Variants in TNRC6C observed in about 807,000 individuals in gnomAD.
TNRC6C encodes trinucleotide repeat containing adaptor 6C, also known as trinucleotide repeat-containing gene 6C protein.
Under a neutral mutation model 153.7 loss-of-function variants are expected in TNRC6C, and 20 were observed. The ratio of observed to expected loss-of-function variants is 0.13; its 90% CI spans 0.09 to 0.19. The LOEUF is 0.19. TNRC6C is among the 10% of genes least tolerant of loss of function. The pLI is 1.00. For missense variants in TNRC6C, 1,987 were observed against 2,172.0 expected, an observed-to-expected ratio of 0.91 and a Z score of 1.69; for synonymous variants, 811 against 841.4, an observed-to-expected ratio of 0.96 and a Z score of 0.63.
intron 14 of TNRC6C, 94 bp from the exon 17 acceptor site, chr17:78,092,839 G>A (rs2073417256): frequency 9.2e-7 from 1 of 1,082,964 alleles, no homozygotes; most frequent in African/African-American, 1.6e-5. Flanking sequence ...ATTGGACCTA[G>A]AACAGAAGGT....
chr17:78,089,660 T>G (rs7221094), intron 13 of TNRC6C, among the ~76,000 whole-genome samples: 1 of 152,026 alleles, frequency 6.6e-6, no homozygotes, highest in Non-Finnish European at 1.5e-5. Flanking sequence ...GGCATATAAA[T>G]GGGAAAAAAT....
chr17:78,092,317 T>C (rs958167718), intron 14 of TNRC6C, among the ~76,000 whole-genome samples: 1 of 152,212 alleles, frequency 6.6e-6, no homozygotes, highest in Non-Finnish European at 1.5e-5. Context: ...GCAGGAGGGC[T>C]CTGCTGCCTG....
intron 1 of TNRC6C, among the ~76,000 whole-genome samples, chr17:78,007,022 T>C (rs1056264264): frequency 4.6e-5 from 7 of 151,388 alleles, no homozygotes; most frequent in African/African-American, 1.7e-4. Context: ...TTTGTATTTT[T>C]AGTAGAGACA....
chr17:78,057,068 C>G (rs2072673036), intron 3 of TNRC6C, among the ~76,000 whole-genome samples: 1 of 152,044 alleles, frequency 6.6e-6, no homozygotes, highest in Admixed American at 6.5e-5. Flanking sequence ...CTAGTTTTAC[C>G]AATTAAAAGA....
intron 17 of TNRC6C, among the ~76,000 whole-genome samples, chr17:78,100,524 G>A (rs931318436): frequency 1.3e-5 from 2 of 152,194 alleles, no homozygotes; most frequent in Admixed American, 6.5e-5. Flanking sequence ...AACTGGAGCG[G>A]CTGGGACACA....
chr17:78,063,117 G>A (rs1273666597), intron 3 of TNRC6C, among the ~76,000 whole-genome samples: 9 of 151,886 alleles, frequency 5.9e-5, no homozygotes, highest in African/African-American at 1.2e-4. Flanking sequence ...ATGTTGTTGC[G>A]TGCCTGTAGT....
chr17:78,085,317 T>G (rs2073260906), intron 11 of TNRC6C, among the ~76,000 whole-genome samples: 1 of 152,228 alleles, frequency 6.6e-6, no homozygotes, highest in Admixed American at 6.5e-5. Context: ...CAATGTATTC[T>G]GTTCTTAAAT....
intron 1 of TNRC6C, among the ~76,000 whole-genome samples, chr17:78,019,960 GC>G (rs1313753829): frequency 6.6e-6 from 1 of 152,128 alleles, no homozygotes; most frequent in East Asian, 1.9e-4. Flanking sequence ...AAAAGAAAAT[GC>G]CCATTTAATT....
chr17:78,051,480 T>TAAAAA (rs201980311), intron 3 of TNRC6C, 32 bp downstream of exon 5: 4 of 1,132,570 alleles, frequency 3.5e-6, no homozygotes, highest in African/African-American at 1.8e-5. Flanking sequence ...TCTTTACAAG[T>TAAAAA]AAAAAAAAAA....
chr17:78,100,289 C>T (rs1425695475), intron 17 of TNRC6C, among the ~76,000 whole-genome samples: 1 of 152,246 alleles, frequency 6.6e-6, no homozygotes, highest in African/African-American at 2.4e-5. Context: ...CCCTTCCACA[C>T]TGCCCTAGCA....
rs1354293778 is a variant in TNRC6C, at chr17:77,976,483, T to G, written c.-38+17215T>G. ...TGTATTTCACACACAGTAGCCCCAG[T>G]TAGGGTTCCAGAAATGCTTATAAAT... On this transcript the variant is annotated intron_variant, in intron 1 of 22. Coordinates refer to the TNRC6C transcript ENST00000636222. 2.0e-5 allele frequency among the ~76,000 whole-genome samples: 3 copies of G among 152,352 alleles called. No individual in the cohort carries two copies. In the East Asian group the frequency reaches 5.8e-4, roughly 29 times the overall value.
At chr17:78,081,595 G>A (rs2073180920) in intron 10 of TNRC6C, among the ~76,000 whole-genome samples, 1 of 152,196 alleles carries the variant, frequency 6.6e-6, no homozygotes. Context: ...AGTGCAGAAA[G>A]AAGCAGTGCA....
chr17:78,056,139 C>T (rs1395197312), intron 3 of TNRC6C, among the ~76,000 whole-genome samples: 1 of 151,624 alleles, frequency 6.6e-6, no homozygotes, highest in African/African-American at 2.4e-5. Context: ...TGTGAGCCAC[C>T]ATGCCTGGCC....
chr17:78,050,391 T>G (rs1567937085), exon 3 of TNRC6C: 2 of 1,613,910 alleles, frequency 1.2e-6, no homozygotes, highest in Admixed American at 1.7e-5. Flanking sequence ...ACCCAAGAGT[T>G]CTGTCTAATA....
chr17:77,969,303 G>A (rs1370547164), intron 1 of TNRC6C, among the ~76,000 whole-genome samples: 1 of 151,496 alleles, frequency 6.6e-6, no homozygotes, highest in Non-Finnish European at 1.5e-5. Context: ...AGGCTGGAGT[G>A]CAGTGGCGCA....
chr17:78,093,171 G>A, intron 15 of TNRC6C, 47 bp downstream of exon 17: 2 of 1,583,890 alleles, frequency 1.3e-6, no homozygotes, highest in Non-Finnish European at 1.7e-6. Context: ...GTCAGAATGT[G>A]CTCCAAGCCT....
At chr17:78,003,430 G>T (rs1443522041), upstream of TNRC6C, among the ~76,000 whole-genome samples, 1 of 152,150 alleles carries the variant, frequency 6.6e-6, no homozygotes, top group Non-Finnish European at 1.5e-5. Flanking sequence ...CAAGAACAGG[G>T]TGTTGTGGAA....
chr17:77,979,904 G>A (rs1216801397), intron 1 of TNRC6C, among the ~76,000 whole-genome samples: 3 of 152,196 alleles, frequency 2.0e-5, no homozygotes, highest in Admixed American at 2.0e-4. Context: ...TCAAAATACA[G>A]TGGAACGATA....
At chr17:78,011,078 A>G (rs949571967) in intron 1 of TNRC6C, among the ~76,000 whole-genome samples, 1 of 152,238 alleles carries the variant, frequency 6.6e-6, no homozygotes, top group African/African-American at 2.4e-5. Flanking sequence ...GGCAGTTTCT[A>G]AGTTTAGACA....
Sources: allele counts gnomAD v4.1 joint callset (sites outside exome capture counted in the v4.1 genomes callset), GRCh38; gene constraint gnomAD v4.1.1; transcripts MANE v1.5; gene names NCBI Gene and HGNC (gene_info 2026-07-23, HGNC 2026-07-21).